Variants in NCAM1 observed in about 807,000 individuals in gnomAD.
NCAM1 encodes the protein antigen recognized by monoclonal antibody 5.1H11.
In NCAM1, 14 loss-of-function variants were observed where a neutral mutation model predicts 109.8. The ratio of observed to expected loss-of-function variants is 0.13; its 90% CI spans 0.08 to 0.20. The LOEUF (loss-of-function observed/expected upper bound fraction) is 0.20. Ranked by LOEUF, NCAM1 falls within the 10% of genes least tolerant of loss-of-function variation. The pLI, the probability that NCAM1 is intolerant of heterozygous loss-of-function variation, is 1.00. For missense variants in NCAM1, 774 were observed against 1,109.9 expected (o/e 0.70, Z 4.30); for synonymous variants, 418 against 442.9 (o/e 0.94, Z 0.70).
At chr11:113,110,383 C>T (rs1940392005) in intron 1 of NCAM1, among the ~76,000 whole-genome samples, 1 of 152,168 alleles carries the variant, frequency 6.6e-6, no homozygotes, top group Non-Finnish European at 1.5e-5. Flanking sequence ...TCTATGATTG[C>T]TTGGCCTCTT....
intron 1 of NCAM1, among the ~76,000 whole-genome samples, chr11:113,125,949 A>G (rs1368539416): frequency 6.6e-6 from 1 of 151,988 alleles, no homozygotes; most frequent in Non-Finnish European, 1.5e-5. Flanking sequence ...TAAGGTCAGG[A>G]GTTCAAGACC....
At chr11:113,244,017 G>A (rs980427075) in intron 14 of NCAM1, among the ~76,000 whole-genome samples, 3 of 152,048 alleles carry the variant, frequency 2.0e-5, no homozygotes, top group Admixed American at 1.3e-4. Context: ...GAGCAGAGCC[G>A]GTGACAACAG....
chr11:113,104,573 G>A (rs563331221), intron 1 of NCAM1, among the ~76,000 whole-genome samples: 179 of 152,292 alleles, frequency 1.2e-3, no homozygotes, highest in Non-Finnish European at 2.2e-3. Context: ...CTTTCAGCTT[G>A]AAGTCCTTTC....
At chr11:113,132,031 C>T (rs1386234445) in intron 1 of NCAM1, among the ~76,000 whole-genome samples, 1 of 152,148 alleles carries the variant, frequency 6.6e-6, no homozygotes, top group Non-Finnish European at 1.5e-5. Flanking sequence ...TGTTTCTGTT[C>T]AGATGAGGAG....
intron 1 of NCAM1, among the ~76,000 whole-genome samples, chr11:113,100,307 G>T (rs1591324464): frequency 6.6e-6 from 1 of 152,262 alleles, no homozygotes; most frequent in East Asian, 1.9e-4. Context: ...GCACTTTTGG[G>T]CTCTGGCCCC....
chr11:113,204,707 C>G (rs984870552), intron 3 of NCAM1, among the ~76,000 whole-genome samples: 1 of 152,160 alleles, frequency 6.6e-6, no homozygotes, highest in Non-Finnish European at 1.5e-5. Context: ...CCCCCACAGG[C>G]GTTCATTCTC....
At chr11:113,207,426 G>A (rs1459120318) in intron 6 of NCAM1, 48 bp downstream of exon 6, 2 of 1,470,560 alleles carry the variant, frequency 1.4e-6, no homozygotes, top group Non-Finnish European at 1.9e-6. Flanking sequence ...GGAGAATGGG[G>A]CATCACAAAG....
intron 1 of NCAM1, 30 bp from the exon 2 acceptor site, chr11:113,202,349 G>T (rs563239907): frequency 5.9e-5 from 92 of 1,571,928 alleles, no homozygotes; most frequent in East Asian, 5.2e-4. Flanking sequence ...TTTGTTTTTT[G>T]TTTTGTTTTG....
chr11:113,061,337 G>A (rs17114739), intron 1 of NCAM1, among the ~76,000 whole-genome samples: 7,782 of 152,142 alleles, frequency 0.051, 588 homozygotes, highest in Admixed American at 0.16. Flanking sequence ...TACTTAACTG[G>A]AGGTTCCTTA....
chr11:113,128,224 A>G (rs1373880475), intron 1 of NCAM1, among the ~76,000 whole-genome samples: 1 of 152,346 alleles, frequency 6.6e-6, no homozygotes, highest in Non-Finnish European at 1.5e-5. Flanking sequence ...CCTTGCGTGC[A>G]TCACAGAACG....
intron 5 of NCAM1, among the ~76,000 whole-genome samples, chr11:113,206,928 G>T (rs1442075452): frequency 1.3e-5 from 2 of 152,070 alleles, no homozygotes; most frequent in African/African-American, 4.8e-5. Context: ...CACTGAACCT[G>T]GTAGTTATTA....
chr11:113,174,739 T>A (rs1337317433), intron 1 of NCAM1, among the ~76,000 whole-genome samples: 1 of 152,160 alleles, frequency 6.6e-6, no homozygotes, highest in Non-Finnish European at 1.5e-5. Flanking sequence ...TTCATTAGGA[T>A]TATCCCTGAG....
At chr11:113,257,590 A>G (rs1226743340) in intron 16 of NCAM1, among the ~76,000 whole-genome samples, 1 of 152,232 alleles carries the variant, frequency 6.6e-6, no homozygotes, top group Non-Finnish European at 1.5e-5. Flanking sequence ...CTGAGGAGCC[A>G]CTGTGGCTGC....
intron 1 of NCAM1, among the ~76,000 whole-genome samples, chr11:113,136,451 G>A (rs568630118): frequency 1.3e-5 from 2 of 152,246 alleles, no homozygotes; most frequent in South Asian, 2.1e-4. Flanking sequence ...CAGGAGCAAG[G>A]CCCCCCAGTG....
At chr11:113,097,449 A>T (rs782660610) in intron 1 of NCAM1, among the ~76,000 whole-genome samples, 3 of 152,210 alleles carry the variant, frequency 2.0e-5, no homozygotes, top group Non-Finnish European at 4.4e-5. Context: ...AAATGAGTAG[A>T]GTCGCTCATC....
chr11:113,100,816 A>G (rs573859945), intron 1 of NCAM1, among the ~76,000 whole-genome samples: 1 of 152,218 alleles, frequency 6.6e-6, no homozygotes, highest in African/African-American at 2.4e-5. Context: ...GTTCTCATTT[A>G]TGGCCGCGGG....
chr11:113,146,050 G>A (rs79575048), intron 1 of NCAM1, among the ~76,000 whole-genome samples: 1,898 of 152,228 alleles, frequency 0.012, 36 homozygotes, highest in African/African-American at 0.043. Flanking sequence ...GAAAATATTT[G>A]CTGTGAAAAA....
chr11:113,173,248 G>A (rs1388969347), intron 1 of NCAM1, among the ~76,000 whole-genome samples: 1 of 152,174 alleles, frequency 6.6e-6, no homozygotes, highest in East Asian at 1.9e-4. Flanking sequence ...CTGTCAAAAT[G>A]TGGCTGATTT....
chr11:113,078,997 G>C (rs1555086662), intron 1 of NCAM1, among the ~76,000 whole-genome samples: 1 of 152,182 alleles, frequency 6.6e-6, no homozygotes, highest in Non-Finnish European at 1.5e-5. Context: ...AGGGTCAGCA[G>C]GAGTGTCAAG....
Sources: allele counts gnomAD v4.1 joint callset (sites outside exome capture counted in the v4.1 genomes callset), GRCh38; gene constraint gnomAD v4.1.1; transcripts MANE v1.5; gene names NCBI Gene and HGNC (gene_info 2026-07-23, HGNC 2026-07-21).